ZNF385B: variants seen among roughly 807,000 people sequenced by gnomAD.
The protein encoded by ZNF385B is zinc finger protein 533.
A neutral mutation model predicts 39.2 loss-of-function variants in ZNF385B; 23 were observed. The observed-to-expected ratio is 0.59, with a 90% CI of 0.42 to 0.83. The LOEUF is 0.83. Ranked by LOEUF, ZNF385B falls within the 40% of genes least tolerant of loss-of-function variation. ZNF385B has a pLI of 0.00. For missense variants in ZNF385B, 552 were observed against 598.9 expected (o/e 0.92, Z 0.82); for synonymous variants, 205 against 222.6 (o/e 0.92, Z 0.70).
chr2:179,833,021 T>C (rs950222558), intron 1 of ZNF385B, among the ~76,000 whole-genome samples: 6 of 152,178 alleles, frequency 3.9e-5, no homozygotes, highest in African/African-American at 1.2e-4. Context: ...TCAGAGTATA[T>C]CACTTTTTAA....
chr2:179,559,428 T>C (rs141457469), intron 3 of ZNF385B, among the ~76,000 whole-genome samples: 313 of 152,240 alleles, frequency 2.1e-3, no homozygotes, highest in Middle Eastern at 3.4e-3. Context: ...AGGCAGCTTC[T>C]GGGGCACTAG....
At chr2:179,667,764 C>CA (rs1264794585) in intron 3 of ZNF385B, among the ~76,000 whole-genome samples, 1 of 126,738 alleles carries the variant, frequency 7.9e-6, no homozygotes, top group Non-Finnish European at 1.7e-5. Flanking sequence ...ATACAACATA[C>CA]AGTGCAGAGA....
rs1253568597 is a variant in ZNF385B, at chr2:179,681,087, T to TC, written c.298+88415_298+88416insG. On this transcript the variant is annotated intron_variant, in intron 3 of 9. Coordinates refer to ENST00000410066, the MANE Select transcript of ZNF385B (RefSeq NM_152520.6). The stretch of plus-strand genomic sequence containing the variant: ...TCTATGACTTAAACAACTGTTTTTT[T>TC]TTTTTTTTGAAACTTTTGATTCTAA... Among the ~76,000 whole-genome samples the TC allele has an allele frequency of 3.5e-3, 533 of 151,992 alleles. 6 individuals are homozygous for TC. The highest frequency in any genetic ancestry group is 0.011 in the African/African-American group (451 of 41,488).
intron 3 of ZNF385B, among the ~76,000 whole-genome samples, chr2:179,758,065 C>A (rs927589055): frequency 1.3e-5 from 2 of 152,120 alleles, no homozygotes; most frequent in Admixed American, 6.5e-5. Context: ...ACGCTGGGAG[C>A]TATAGAGTGG....
intron 3 of ZNF385B, among the ~76,000 whole-genome samples, chr2:179,613,361 T>C (rs1412187355): frequency 1.3e-5 from 2 of 152,154 alleles, no homozygotes; most frequent in Admixed American, 1.3e-4. Flanking sequence ...AGCCAGCACA[T>C]CTTTGAGTCT....
chr2:179,751,494 G>A (rs1702673746), intron 3 of ZNF385B, among the ~76,000 whole-genome samples: 1 of 152,092 alleles, frequency 6.6e-6, no homozygotes, highest in Non-Finnish European at 1.5e-5. Flanking sequence ...AAATATGCAT[G>A]AGATGCAATG....
chr2:179,812,956 C>T (rs1029173232), intron 1 of ZNF385B, among the ~76,000 whole-genome samples: 1 of 152,028 alleles, frequency 6.6e-6, no homozygotes, highest in Non-Finnish European at 1.5e-5. Flanking sequence ...ATAATATTTA[C>T]AAAATCAATA....
At position 179,630,373 on chromosome 2, in the gene ZNF385B, C is replaced by T. The variant is rs181217109; in HGVS notation, c.299-85404G>A. On this transcript the variant is annotated intron_variant, in intron 3 of 9. Transcript: ENST00000410066. ...TGCAGCTCTGCTGGTGATACCCAGA[C>T]AAACAGTGTCTGGAGTGGACCTCCA... Among the ~76,000 whole-genome samples the T allele has an allele frequency of 1.1e-4, 16 of 152,344 alleles. No homozygotes were observed. In the East Asian group the frequency reaches 2.9e-3, roughly 28 times the overall value.
At chr2:179,818,998 T>C (rs1707239053) in intron 1 of ZNF385B, among the ~76,000 whole-genome samples, 1 of 149,498 alleles carries the variant, frequency 6.7e-6, no homozygotes, top group African/African-American at 2.5e-5. Flanking sequence ...CAATACCTCA[T>C]AGATATATAT....
intron 3 of ZNF385B, among the ~76,000 whole-genome samples, chr2:179,731,801 A>G (rs1252563302): frequency 1.3e-5 from 2 of 152,210 alleles, no homozygotes; most frequent in African/African-American, 4.8e-5. Context: ...ATAAACAAAC[A>G]AACAATAAAA....
At chr2:179,766,224 C>T (rs1447488611) in intron 3 of ZNF385B, among the ~76,000 whole-genome samples, 3 of 152,094 alleles carry the variant, frequency 2.0e-5, no homozygotes, top group Non-Finnish European at 2.9e-5. Context: ...TCAACCATCA[C>T]CCTGTGGACC....
At chr2:179,539,891 T>C (rs2059808591) in intron 4 of ZNF385B, among the ~76,000 whole-genome samples, 1 of 152,206 alleles carries the variant, frequency 6.6e-6, no homozygotes, top group South Asian at 2.1e-4. Context: ...CATTTTTTCC[T>C]TATAAGTTTA....
At chr2:179,686,969 T>TC (rs1697973483) in intron 3 of ZNF385B, among the ~76,000 whole-genome samples, 1 of 151,302 alleles carries the variant, frequency 6.6e-6, no homozygotes, top group Admixed American at 6.6e-5. Context: ...GTACTGTTTT[T>TC]TTTTTTTTCA....
intron 3 of ZNF385B, among the ~76,000 whole-genome samples, chr2:179,575,182 G>A (rs1436497621): frequency 2.0e-5 from 3 of 152,000 alleles, no homozygotes; most frequent in Admixed American, 6.6e-5. Context: ...CCAGAACCAC[G>A]CTGAAAGCCA....
chr2:179,506,535 G>A (rs961411619), intron 5 of ZNF385B, among the ~76,000 whole-genome samples: 1 of 151,956 alleles, frequency 6.6e-6, no homozygotes, highest in Non-Finnish European at 1.5e-5. Context: ...AATTTTGATT[G>A]TATTAAAATT....
intron 6 of ZNF385B, among the ~76,000 whole-genome samples, chr2:179,447,111 C>G (rs543153704): frequency 9.2e-5 from 14 of 152,256 alleles, no homozygotes; most frequent in African/African-American, 2.6e-4. Context: ...CCCTCTGATA[C>G]AATTACATGA....
chr2:179,567,544 A>C (rs903247083), intron 3 of ZNF385B, among the ~76,000 whole-genome samples: 1 of 152,234 alleles, frequency 6.6e-6, no homozygotes, highest in African/African-American at 2.4e-5. Context: ...GAAGTGGTAC[A>C]GGACAGATCA....
chr2:179,787,664 G>A (rs1313453656), intron 1 of ZNF385B, among the ~76,000 whole-genome samples: 3 of 152,124 alleles, frequency 2.0e-5, no homozygotes, highest in Non-Finnish European at 2.9e-5. Context: ...TCTTCAACTC[G>A]TTGAAACGGT....
At chr2:179,461,119 G>T (rs1168142380) in intron 6 of ZNF385B, among the ~76,000 whole-genome samples, 1 of 152,200 alleles carries the variant, frequency 6.6e-6, no homozygotes, top group Non-Finnish European at 1.5e-5. Context: ...AAGAAAGTCA[G>T]TGAGACTGGG....
Sources: gnomAD v4.1 joint callset for allele counts (sites outside exome capture counted in the v4.1 genomes callset) on GRCh38, gnomAD v4.1.1 for gene constraint, MANE v1.5 for transcripts, NCBI Gene and HGNC (gene_info 2026-07-23, HGNC 2026-07-21) for gene names.